MYO5B: variants seen among roughly 807,000 people sequenced by gnomAD.
MYO5B encodes the protein myosin VB, also known as unconventional myosin-Vb.
A neutral mutation model predicts 229.3 loss-of-function variants in MYO5B; 143 were observed. The observed-to-expected ratio is 0.62, with a 90% CI of 0.54 to 0.72. MYO5B has a LOEUF of 0.72. MYO5B is among the 30% of genes least tolerant of loss of function. MYO5B has a pLI of 0.00. For missense variants in MYO5B, 2,321 were observed against 2,331.0 expected (o/e 1.00, Z 0.09); for synonymous variants, 918 against 885.2 (o/e 1.04, Z -0.66).
chr18:50,172,900 A>C (rs1028961121), intron 1 of MYO5B, among the ~76,000 whole-genome samples: 5 of 152,256 alleles, frequency 3.3e-5, no homozygotes, highest in African/African-American at 4.8e-5. Flanking sequence ...CTGGGAAAGA[A>C]CATCTATGAA....
intron 3 of MYO5B, among the ~76,000 whole-genome samples, chr18:50,037,748 TA>T (rs1388804174): frequency 2.0e-5 from 3 of 152,110 alleles, no homozygotes; most frequent in African/African-American, 7.2e-5. Flanking sequence ...AAAAAAGTAT[TA>T]GCTGGGCATG....
At chr18:49,950,055 C>G (rs959111870) in intron 14 of MYO5B, among the ~76,000 whole-genome samples, 1 of 152,208 alleles carries the variant, frequency 6.6e-6, no homozygotes, top group Non-Finnish European at 1.5e-5. Flanking sequence ...TATGGTGATA[C>G]AGCAACAATC....
intron 1 of MYO5B, among the ~76,000 whole-genome samples, chr18:50,102,338 A>G (rs8082713): frequency 0.97 from 147,987 of 151,976 alleles, 72,162 homozygotes; most frequent in East Asian, 1. Flanking sequence ...TTCTGCATAC[A>G]TATCCTACCC....
At chr18:50,100,224 C>T (rs1177951047) in intron 1 of MYO5B, among the ~76,000 whole-genome samples, 1 of 152,254 alleles carries the variant, frequency 6.6e-6, no homozygotes, top group African/African-American at 2.4e-5. Flanking sequence ...TTCACAGTTT[C>T]ACTTTGTCAT....
intron 14 of MYO5B, among the ~76,000 whole-genome samples, chr18:49,950,566 A>G (rs933842799): frequency 6.6e-6 from 1 of 152,198 alleles, no homozygotes; most frequent in African/African-American, 2.4e-5. Context: ...ACTCGTGTGG[A>G]AAGACAACCA....
At chr18:49,859,949 C>T (rs1175303262) in intron 29 of MYO5B, among the ~76,000 whole-genome samples, 1 of 152,154 alleles carries the variant, frequency 6.6e-6, no homozygotes, top group Non-Finnish European at 1.5e-5. Context: ...ACACAGTCTC[C>T]GCTGTCCCGG....
intron 1 of MYO5B, among the ~76,000 whole-genome samples, chr18:50,187,528 C>A (rs183972145): frequency 6.7e-6 from 1 of 148,152 alleles, no homozygotes; most frequent in Non-Finnish European, 1.5e-5. Context: ...GGGGGGTGGG[C>A]GGTGGGCAGA....
chr18:49,958,337 C>G (rs975454232), intron 12 of MYO5B, among the ~76,000 whole-genome samples: 1 of 152,194 alleles, frequency 6.6e-6, no homozygotes, highest in Non-Finnish European at 1.5e-5. Context: ...AAACAATCTG[C>G]GCACTCTGCA....
intron 1 of MYO5B, among the ~76,000 whole-genome samples, chr18:50,106,588 G>A (rs992119036): frequency 3.3e-5 from 5 of 152,162 alleles, no homozygotes; most frequent in South Asian, 2.1e-4. Context: ...TGCCTGGAAT[G>A]CTCGCCCACC....
chr18:49,971,729 G>A (rs2025694472), intron 10 of MYO5B, among the ~76,000 whole-genome samples: 1 of 152,128 alleles, frequency 6.6e-6, no homozygotes, highest in Non-Finnish European at 1.5e-5. Flanking sequence ...GCAACCAATG[G>A]CCCAGGCACA....
At chr18:50,030,316 G>C (rs375688457) in intron 4 of MYO5B, among the ~76,000 whole-genome samples, 1 of 148,614 alleles carries the variant, frequency 6.7e-6, no homozygotes, top group Non-Finnish European at 1.5e-5. Context: ...TCCACAATCA[G>C]GAATTTCTCT....
chr18:49,902,937 G>T, intron 20 of MYO5B, 104 bp from the exon 21 acceptor site: 1 of 1,431,242 alleles, frequency 7.0e-7, no homozygotes, highest in South Asian at 1.2e-5. Context: ...GGGCAGCCTT[G>T]GTTCTAGGAG....
At chr18:50,183,474 C>T (rs2033105052) in intron 1 of MYO5B, among the ~76,000 whole-genome samples, 2 of 151,490 alleles carry the variant, frequency 1.3e-5, no homozygotes, top group Admixed American at 6.6e-5. Flanking sequence ...GAAAGGCTTC[C>T]AGGAGTCTCA....
chr18:50,008,167 G>T (rs2026123061), intron 4 of MYO5B, among the ~76,000 whole-genome samples: 1 of 152,138 alleles, frequency 6.6e-6, no homozygotes, highest in Non-Finnish European at 1.5e-5. Flanking sequence ...ATGTATTGGG[G>T]TCATCAGTGC....
At chr18:50,133,451 G>A (rs1011734051) in intron 1 of MYO5B, among the ~76,000 whole-genome samples, 4 of 152,186 alleles carry the variant, frequency 2.6e-5, no homozygotes, top group Admixed American at 6.5e-5. Context: ...AAGCTCATAT[G>A]GTGCAGACGT....
chr18:49,965,101 C>T (rs78599349), intron 10 of MYO5B, among the ~76,000 whole-genome samples: 3,447 of 152,272 alleles, frequency 0.023, 133 homozygotes, highest in African/African-American at 0.079. Flanking sequence ...CAAGGTAGTT[C>T]TTACTACAGT....
intron 1 of MYO5B, among the ~76,000 whole-genome samples, chr18:50,133,281 A>G (rs2032282662): frequency 6.6e-6 from 1 of 152,218 alleles, no homozygotes; most frequent in Non-Finnish European, 1.5e-5. Flanking sequence ...CTCAAATTGG[A>G]AAAGGTAAAA....
chr18:49,979,179 C>A (rs1381508487), intron 9 of MYO5B, among the ~76,000 whole-genome samples: 1 of 152,184 alleles, frequency 6.6e-6, no homozygotes, highest in Non-Finnish European at 1.5e-5. Context: ...CTGCTGCCAA[C>A]TCCACTGTAC....
At chr18:49,972,527 G>T (rs2025702799) in intron 10 of MYO5B, among the ~76,000 whole-genome samples, 1 of 152,222 alleles carries the variant, frequency 6.6e-6, no homozygotes, top group African/African-American at 2.4e-5. Flanking sequence ...TGACAAGTCT[G>T]CATGTTAATC....
Sources: allele counts gnomAD v4.1 joint callset (sites outside exome capture counted in the v4.1 genomes callset), GRCh38; gene constraint gnomAD v4.1.1; transcripts MANE v1.5; gene names NCBI Gene and HGNC (gene_info 2026-07-23, HGNC 2026-07-21).